PROCR: variants seen among roughly 807,000 people sequenced by gnomAD.
PROCR encodes protein C receptor, also known as endothelial protein C receptor.
PROCR carries 22 observed loss-of-function variants against 24.2 expected under a neutral mutation model. The ratio of observed to expected loss-of-function variants is 0.91; its 90% CI spans 0.65 to 1.30. The LOEUF (loss-of-function observed/expected upper bound fraction) is 1.30. PROCR is among the 50% of genes most tolerant of loss of function. PROCR has a pLI of 0.00. For synonymous variants in PROCR, 137 were observed against 139.2 expected, an observed-to-expected ratio of 0.98 and a Z score of 0.11; for missense variants, 288 against 307.7, an observed-to-expected ratio of 0.94 and a Z score of 0.48.
chr20:35,213,399 A>G (rs994921638), intron 1 of PROCR, among the ~76,000 whole-genome samples: 12 of 152,080 alleles, frequency 7.9e-5, no homozygotes, highest in African/African-American at 2.9e-4. Context: ...CCATTATTGA[A>G]TTGGGTCATA....
chr20:35,205,752 A>AAT (rs200029202), intron 1 of PROCR, among the ~76,000 whole-genome samples: 2,299 of 102,276 alleles, frequency 0.022, 62 homozygotes, highest in East Asian at 0.033. Flanking sequence ...ACTCTGTCTA[A>AAT]ATATATATAT....
At chr20:35,178,577 G>A (rs1272288029), downstream of PROCR, among the ~76,000 whole-genome samples, 4 of 79,420 alleles carry the variant, frequency 5.0e-5, no homozygotes, top group African/African-American at 1.8e-4. Context: ...GTGCAGTGGC[G>A]GGATCTCGGC....
intron 1 of PROCR, among the ~76,000 whole-genome samples, chr20:35,212,858 A>G (rs1219877135): frequency 1.3e-5 from 2 of 152,368 alleles, no homozygotes; most frequent in Non-Finnish European, 1.5e-5. Context: ...GAGTAAACCA[A>G]TTTGTATCTC....
At chr20:35,182,504 G>T (rs976416643) in intron 1 of PROCR, among the ~76,000 whole-genome samples, 1 of 152,122 alleles carries the variant, frequency 6.6e-6, no homozygotes, top group Non-Finnish European at 1.5e-5. Flanking sequence ...TTTAATAAAT[G>T]TTTGTCAGAA....
At chr20:35,213,439 G>A (rs571542302) in intron 1 of PROCR, among the ~76,000 whole-genome samples, 3 of 151,960 alleles carry the variant, frequency 2.0e-5, no homozygotes, top group African/African-American at 7.2e-5. Context: ...TATAACAGCT[G>A]TTTTACGTTA....
Position 35,176,266 on chromosome 20 carries a change from G to T in PROCR, c.421G>T (p.Val141Leu). The T allele has an allele frequency of 1.2e-6, 2 of 1,614,210 alleles. No homozygotes were observed. The highest frequency in any genetic ancestry group is 1.7e-6 in the Non-Finnish European group (2 of 1,180,036). ...AGTGGCTGTGAATGGGAGCTCCTTT[G>T]TGAGTTTCCGGCCGGAGAGAGCCTT... ...FEVAVNGSSF[V>L]SFRPERALWQ... Residue 141 changes from valine (V) to leucine (L), a missense_variant, in exon 3 of 4, where the codon GTG becomes TTG. Val to Leu is a conservative substitution (Grantham distance 32, BLOSUM62 1). Transcript: ENST00000216968.
chr20:35,178,997 C>T (rs949849687), downstream of PROCR, among the ~76,000 whole-genome samples: 1 of 147,612 alleles, frequency 6.8e-6, no homozygotes, highest in Non-Finnish European at 1.5e-5. Flanking sequence ...TTTGGGAGGC[C>T]GAGGCGGGCG....
chr20:35,195,619 G>A (rs1372536469), intron 1 of PROCR, among the ~76,000 whole-genome samples: 1 of 152,036 alleles, frequency 6.6e-6, no homozygotes, highest in African/African-American at 2.4e-5. Flanking sequence ...TCACGAGTTT[G>A]AGACCAGCCT....
chr20:35,183,606 T>C (rs889559255), intron 1 of PROCR, among the ~76,000 whole-genome samples: 1 of 152,168 alleles, frequency 6.6e-6, no homozygotes, highest in African/African-American at 2.4e-5. Flanking sequence ...TTGACTAATA[T>C]AGTATCAGAG....
chr20:35,211,228 G>A (rs752389968), intron 1 of PROCR, among the ~76,000 whole-genome samples: 4 of 152,254 alleles, frequency 2.6e-5, no homozygotes, highest in Middle Eastern at 3.4e-3. Flanking sequence ...AAAGGACTGG[G>A]GGCAATCTGA....
At chr20:35,178,536 G>T (rs1282884399), downstream of PROCR, among the ~76,000 whole-genome samples, 4 of 8,020 alleles carry the variant, frequency 5.0e-4, no homozygotes, top group Admixed American at 1.3e-3. Flanking sequence ...TTTTTTTTGA[G>T]ACGAAGTCTC....
In PROCR at chr20:35,174,659, C is replaced by A. The variant is rs1468546246; in HGVS notation, c.71-43C>A. 9 of 1,612,396 alleles carry A rather than the reference C, an allele frequency of 5.6e-6. No homozygotes were observed. The East Asian group carries it at 2.0e-4, about 36-fold the overall frequency. The stretch of plus-strand genomic sequence containing the variant: ...GTTATTATCTTCCGCTGCCCGCCGC[C>A]CCCTCCCACGCCGGCCCAGGCTGAA... On this transcript the variant is annotated intron_variant, in intron 1 of 3. Transcript: ENST00000216968.
intron 1 of PROCR, among the ~76,000 whole-genome samples, chr20:35,187,670 G>C (rs966652839): frequency 2.0e-5 from 3 of 152,162 alleles, no homozygotes; most frequent in African/African-American, 7.2e-5. Flanking sequence ...CTCATTTCCA[G>C]GAGTTTCTAC....
At chr20:35,184,809 C>T (rs1412910842) in intron 1 of PROCR, among the ~76,000 whole-genome samples, 1 of 152,102 alleles carries the variant, frequency 6.6e-6, no homozygotes, top group Non-Finnish European at 1.5e-5. Flanking sequence ...TAGACATTGG[C>T]TTAGCCAAAG....
intron 1 of PROCR, chr20:35,203,368 A>T (rs1459136327): frequency 6.6e-6 from 1 of 152,246 alleles, no homozygotes; most frequent in Non-Finnish European, 1.5e-5. Context: ...CATTGTATGC[A>T]ATGTCTAATG....
intron 1 of PROCR, among the ~76,000 whole-genome samples, chr20:35,188,155 C>T (rs138658146): frequency 3.2e-4 from 48 of 152,222 alleles, no homozygotes; most frequent in Middle Eastern, 3.4e-3. Flanking sequence ...GGTTTTGGAC[C>T]GCATTCTTTT....
chr20:35,205,246 T>C (rs1056799824), intron 1 of PROCR, among the ~76,000 whole-genome samples: 4 of 149,154 alleles, frequency 2.7e-5, no homozygotes, highest in Non-Finnish European at 5.9e-5. Flanking sequence ...GTACTCCAGC[T>C]TGGGGGACAG....
At chr20:35,189,358 TC>T (rs991137720) in intron 1 of PROCR, among the ~76,000 whole-genome samples, 1 of 152,142 alleles carries the variant, frequency 6.6e-6, no homozygotes, top group Non-Finnish European at 1.5e-5. Context: ...TCCTGCAGCG[TC>T]CCCAGACTTG....
upstream of PROCR, among the ~76,000 whole-genome samples, chr20:35,171,792 CCT>C (rs375723407): frequency 5.9e-5 from 9 of 152,066 alleles, no homozygotes; most frequent in African/African-American, 9.7e-5. Context: ...TGCCCCACCC[CCT>C]GAGTCAGCGC....
Sources: gnomAD v4.1 joint callset for allele counts (sites outside exome capture counted in the v4.1 genomes callset) on GRCh38, gnomAD v4.1.1 for gene constraint, MANE v1.5 for transcripts, NCBI Gene and HGNC (gene_info 2026-07-23, HGNC 2026-07-21) for gene names.